The following DOCK6 variants were observed in gnomAD, a reference collection of about 807,000 sequenced individuals.
DOCK6 encodes the protein dedicator of cytokinesis 6, also known as dedicator of cytokinesis protein 6.
Under a neutral mutation model 230.3 loss-of-function variants are expected in DOCK6, and 167 were observed. That is an observed-to-expected ratio of 0.73 (90% CI 0.64 to 0.82). The LOEUF is 0.82. Ranked by LOEUF, DOCK6 falls within the 40% of genes least tolerant of loss-of-function variation. The pLI is 0.00. For missense variants in DOCK6, 2,598 were observed against 2,825.8 expected, an observed-to-expected ratio of 0.92 and a Z score of 1.83; for synonymous variants, 1,148 against 1,185.0, an observed-to-expected ratio of 0.97 and a Z score of 0.64.
intron 1 of DOCK6, among the ~76,000 whole-genome samples, chr19:11,261,542 A>T (rs2080288611): frequency 6.6e-6 from 1 of 152,076 alleles, no homozygotes; most frequent in African/African-American, 2.4e-5. Context: ...CGGGGAGAGG[A>T]TACCTGAGCT....
intron 1 of DOCK6, among the ~76,000 whole-genome samples, chr19:11,261,383 G>A (rs1201453138): frequency 8.0e-6 from 1 of 125,018 alleles, no homozygotes; most frequent in Non-Finnish European, 1.6e-5. Flanking sequence ...TGTCCCTACA[G>A]CACTTGTCAC....
rs199946201 is a variant in DOCK6 at position 11,215,770 on chromosome 19, A to G, written c.4021+31T>C. The stretch of plus-strand genomic sequence containing the variant: ...ACACAAGGTGGGAGCAGCTGGTGGG[A>G]TGGGGACACGTGGGTATGTCACCCT... On this transcript the variant is annotated intron_variant, in intron 31 of 47. Coordinates refer to ENST00000294618, the MANE Select transcript of DOCK6 (RefSeq NM_020812.4). The G allele has an allele frequency of 3.1e-6, 5 of 1,612,920 alleles. No individual in the cohort carries two copies. In the African/African-American group the frequency reaches 6.7e-5, roughly 21 times the overall value.
At chr19:11,225,587 G>T (rs1482971391) in intron 24 of DOCK6, among the ~76,000 whole-genome samples, 4 of 152,098 alleles carry the variant, frequency 2.6e-5, no homozygotes, top group African/African-American at 9.7e-5. Context: ...AGCTACTCTG[G>T]AGGCTGAGGT....
In DOCK6 at chr19:11,202,766, G is replaced by A; in HGVS notation, c.5236-57C>T. 6.2e-7 allele frequency: 1 copy of A among 1,606,904 alleles called. No homozygotes were observed. Among genetic ancestry groups the A allele is most frequent in the African/African-American group, 1.3e-5 (1 of 75,042 alleles). On this transcript the variant is annotated intron_variant, in intron 41 of 47. Coordinates refer to ENST00000294618, the MANE Select transcript of DOCK6 (RefSeq NM_020812.4). The surrounding 1 kb of genome is among the most constrained non-coding windows in gnomAD (Gnocchi z 5.3). ...GGAGGCCCCTGCTGGAGGTCTCCCT[G>A]CCCCAGAGATAGGTGTCTCGAATAT...
In DOCK6 at chr19:11,202,818, A is replaced by T; in HGVS notation, c.5236-109T>A. The T allele has an allele frequency of 2.6e-6, 4 of 1,566,814 alleles. No homozygotes were observed. In the South Asian group the frequency reaches 4.5e-5, roughly 18 times the overall value. On this transcript the variant is annotated intron_variant, in intron 41 of 47. Transcript: ENST00000294618. This position sits in a 1 kb window ranked among gnomAD's most constrained non-coding sequence, Gnocchi z 5.3. ...AGGATGGGAGTGTGAGGACCCCGAG[A>T]ACATCAGGGCATGGGCACAGGCAGG...
chr19:11,252,467 C>T lies in DOCK6; in HGVS notation c.377+15G>A. The stretch of plus-strand genomic sequence containing the variant: ...GGGTTCCGAACCCCCTGAGCTGCCC[C>T]TAAGTCAGACTCACCTTCTGTGGAC... On this transcript the variant is annotated intron_variant, in intron 4 of 47. Transcript: ENST00000294618. 1 of 1,613,792 alleles carries T rather than the reference C, an allele frequency of 6.2e-7. No individual in the cohort carries two copies. The highest frequency in any genetic ancestry group is 1.7e-5 in the Admixed American group (1 of 60,028).
intron 1 of DOCK6, among the ~76,000 whole-genome samples, chr19:11,260,131 C>T (rs1045314778): frequency 2.0e-5 from 3 of 151,990 alleles, no homozygotes; most frequent in South Asian, 2.1e-4. Flanking sequence ...TGCCCAAGAG[C>T]GAAGTTGCTC....
chr19:11,237,822 C>T, intron 16 of DOCK6, 43 bp from the exon 17 acceptor site: 1 of 1,540,874 alleles, frequency 6.5e-7, no homozygotes, highest in South Asian at 1.2e-5. Context: ...GCTGGGGTCC[C>T]CACTGTCTGC....
chr19:11,252,200 C>A lies in DOCK6; in HGVS notation c.426G>T (p.Gln142His). Reference protein sequence around the residue: ...AAYSPVTTDTQRERQKGLPRQ... With the variant: ...AAYSPVTTDTHRERQKGLPRQ... ...GGGGGAGGCCCTTCTGTCGCTCCCG[C>A]TGTGTGTCTGTGGTGACGGGGCTGT... Residue 142 changes from glutamine (Q) to histidine (H), a missense_variant, in exon 5 of 48, where the codon CAG becomes CAT. Gln to His is a conservative substitution (Grantham distance 24, BLOSUM62 0). Coordinates refer to ENST00000294618, the MANE Select transcript of DOCK6 (RefSeq NM_020812.4). The A allele has an allele frequency of 1.3e-6, 2 of 1,582,376 alleles. No individual in the cohort carries two copies. Among genetic ancestry groups the A allele is most frequent in the East Asian group, 2.3e-5 (1 of 43,390 alleles).
chr19:11,247,924 C>T (rs1171618531), intron 7 of DOCK6, 142 bp downstream of exon 7: 4 of 656,742 alleles, frequency 6.1e-6, no homozygotes, highest in Non-Finnish European at 1.1e-5. Flanking sequence ...GTCTTCCTTC[C>T]CCCATAAAAG....
Position 11,236,636 on chromosome 19 carries a change from C to T in DOCK6, c.2161-59G>A. 1.3e-6 allele frequency: 2 copies of T among 1,516,826 alleles called. No homozygotes were observed. The highest frequency in any genetic ancestry group is 1.8e-6 in the Non-Finnish European group (2 of 1,117,984). The allele number at this position is 1,516,826 out of a possible 1,614,324, so 94.0% of individuals were successfully genotyped here. Reference sequence around the variant, plus strand: ...CTCAGGGAATGAAGACCACCCCTGCCTGAATCAGCAGCTTCCCTTAAAGCT... The same window carrying T: ...CTCAGGGAATGAAGACCACCCCTGCTTGAATCAGCAGCTTCCCTTAAAGCT... On this transcript the variant is annotated intron_variant, in intron 19 of 47. Transcript: ENST00000294618. The surrounding 1 kb of genome is among the most constrained non-coding windows in gnomAD (Gnocchi z 5.2).
At position 11,215,472 on chromosome 19, in the gene DOCK6, C is replaced by CT. The variant is rs142339683; in HGVS notation, c.4022-2dup. ...TCCGGATTCCCAAACGGGCTCCTCT[C>CT]TGAGACGCGTGGGTGCACGATCACA... On this transcript the variant is annotated splice_acceptor_variant, in intron 31 of 47. Coordinates refer to ENST00000294618, the MANE Select transcript of DOCK6 (RefSeq NM_020812.4). LOFTEE classifies it high-confidence loss of function. 7.9e-3 allele frequency: 12,734 copies of CT among 1,612,948 alleles called. 836 individuals carry two copies. In the African/African-American group the frequency reaches 0.14, roughly 18 times the overall value.
Position 11,237,772 on chromosome 19 carries a change from CG to C in DOCK6, c.1839del (p.Glu614SerfsTer14). On this transcript the variant is annotated frameshift_variant, in exon 17 of 48. Coordinates refer to ENST00000294618, the MANE Select transcript of DOCK6 (RefSeq NM_020812.4). LOFTEE classifies it high-confidence loss of function. ...TGCAGCTTGAACTCCTCGTAGAACTCGGGGGACCTGGCAGAATCGGGCTGGG... is the reference window on the plus strand; with the variant it reads ...TGCAGCTTGAACTCCTCGTAGAACTCGGGGACCTGGCAGAATCGGGCTGGG... The part of the protein sequence containing the change: ...FTPVVYHNKS[P>X]EFYEEFKLHL... The C allele has an allele frequency of 6.4e-7, 1 of 1,567,204 alleles. No individual in the cohort carries two copies. Among genetic ancestry groups the C allele is most frequent in the South Asian group, 1.2e-5 (1 of 84,872 alleles).
intron 21 of DOCK6, among the ~76,000 whole-genome samples, chr19:11,234,201 T>C (rs968967842): frequency 2.6e-5 from 4 of 151,734 alleles, no homozygotes; most frequent in South Asian, 2.1e-4. Context: ...GGTTTCACCA[T>C]GTTGGCCAGG....
chr19:11,229,173 A>G lies in DOCK6; in HGVS notation c.2719-138T>C, dbSNP rs2147805398. The G allele has an allele frequency of 2.5e-6, 3 of 1,199,344 alleles. No individual in the cohort carries two copies. In the South Asian group the frequency reaches 4.6e-5, roughly 19 times the overall value. 74.3% of individuals were successfully genotyped at this position (1,199,344 alleles called of 1,614,324 possible). ...AGCCAGGCAGGAGGAGGGGGACAAG[A>G]GGAGTGGAAGTGCCCTTTCCCTGGG... On this transcript the variant is annotated intron_variant, in intron 22 of 47. Coordinates refer to ENST00000294618, the MANE Select transcript of DOCK6 (RefSeq NM_020812.4).
rs1460773165 is a variant in DOCK6, at chr19:11,212,308, C to G, written c.4492-157G>C. Among the ~76,000 whole-genome samples, 4 of 152,098 alleles carry G rather than the reference C, an allele frequency of 2.6e-5. 1 individual carries two copies. Among genetic ancestry groups the G allele is most frequent in the African/African-American group, 9.7e-5 (4 of 41,408 alleles). On this transcript the variant is annotated intron_variant, in intron 35 of 47. Transcript: ENST00000294618. ...CCAGGCTGGAGTGCAGTGGCATGAT[C>G]TCAGCTCACTGCAACCTCCATCTCC...
chr19:11,250,631 A>G (rs1362884857), intron 6 of DOCK6, among the ~76,000 whole-genome samples: 1 of 152,154 alleles, frequency 6.6e-6, no homozygotes, highest in African/African-American at 2.4e-5. Context: ...AAATAAGCAT[A>G]GGGTATACAA....
At chr19:11,251,417 C>T (rs2080115961) in intron 5 of DOCK6, 2 of 236,978 alleles carry the variant, frequency 8.4e-6, no homozygotes, top group Non-Finnish European at 1.7e-5. Context: ...AAAGCCTTCC[C>T]TGGGACTTTG....
Position 11,241,868 on chromosome 19 carries a change from TG to T in DOCK6, c.1643+176del. 2.4e-6 allele frequency: 3 copies of T among 1,262,446 alleles called. No individual in the cohort carries two copies. The Admixed American group carries it at 6.3e-5, about 26-fold the overall frequency. The allele number at this position is 1,262,446 out of a possible 1,614,324, so 78.2% of individuals were successfully genotyped here. ...ACAAAGGCAGAGGATGTAGCCCCAT[TG>T]GGGAGGGGTGGAGGAAGGACATGTA... On this transcript the variant is annotated intron_variant, in intron 14 of 47. Coordinates refer to ENST00000294618, the MANE Select transcript of DOCK6 (RefSeq NM_020812.4).
Sources: gnomAD v4.1 joint callset for allele counts (sites outside exome capture counted in the v4.1 genomes callset) on GRCh38, gnomAD v4.1.1 for gene constraint, Gnocchi (gnomAD v3.1) non-coding constraint, MANE v1.5 for transcripts, NCBI Gene and HGNC (gene_info 2026-07-23, HGNC 2026-07-21) for gene names.